The following CELSR2 variants were observed in gnomAD, a reference collection of about 807,000 sequenced individuals.
CELSR2 encodes the protein cadherin EGF LAG seven-pass G-type receptor 2, also known as EGF-like protein 2.
In CELSR2, 81 loss-of-function variants were observed where a neutral mutation model predicts 251.6. The observed-to-expected ratio is 0.32, with a 90% confidence interval of 0.27 to 0.39. The LOEUF is 0.39. CELSR2 is among the 10% of genes least tolerant of loss of function. CELSR2 has a pLI of 1.00. For synonymous variants in CELSR2, 1,721 were observed against 1,670.5 expected, an observed-to-expected ratio of 1.03 and a Z score of -0.74; for missense variants, 3,365 against 3,947.7, an observed-to-expected ratio of 0.85 and a Z score of 3.96.
Position 109,252,702 on chromosome 1 carries a change from A to G in CELSR2, c.2623A>G (p.Thr875Ala). The G allele has an allele frequency of 6.2e-7, 1 of 1,614,058 alleles. No individual in the cohort carries two copies. The highest frequency in any genetic ancestry group is 8.5e-7 in the Non-Finnish European group (1 of 1,180,040). ...TGAGTCCACGTCAGGCATCGTGCGA[A>G]CGCTACGGAGGCTGGATCGAGAGAA... Reference protein sequence around the residue: ...IVESTSGIVRTLRRLDRENVA... With the variant: ...IVESTSGIVRALRRLDRENVA... Residue 875 changes from threonine (T) to alanine (A), a missense_variant, in exon 1 of 34, where the codon ACG (threonine) becomes GCG (alanine). Physicochemically the swap from Thr to Ala is moderately conservative, Grantham distance 58 (BLOSUM62 0). Coordinates refer to ENST00000271332, the MANE Select transcript of CELSR2 (RefSeq NM_001408.3). The surrounding 1 kb of genome is among the most constrained non-coding windows in gnomAD (Gnocchi z 4.8).
chr1:109,269,176 G>A lies in CELSR2; in HGVS notation c.6698G>A (p.Arg2233Gln), dbSNP rs376451201. ...CAGGAGCCAGAGGAGCTGGCACGGC[G>A]ACAGCGACGGCACCCGGAGCTGAGC... ...EAQEPEELAR[R>Q]QRRHPELSQG... The change falls in exon 20 of 34, where the codon CGA (arginine) becomes CAA (glutamine). Residue 2233 changes from arginine to glutamine, a missense_variant. By Grantham distance (43) the Arg-to-Gln change is conservative. Coordinates refer to ENST00000271332, the MANE Select transcript of CELSR2 (RefSeq NM_001408.3). This position sits in a 1 kb window ranked among gnomAD's most constrained non-coding sequence, Gnocchi z 6.4. 12 of 1,612,198 alleles carry A rather than the reference G, an allele frequency of 7.4e-6. No individual in the cohort carries two copies. In the South Asian group the frequency reaches 7.7e-5, roughly 10 times the overall value.
At chr1:109,272,576 GGA>G in intron 29 of CELSR2, 62 bp from the exon 30 acceptor site, 3 of 1,522,950 alleles carry the variant, frequency 2.0e-6, no homozygotes, top group Non-Finnish European at 2.7e-6. Flanking sequence ...CCAGGGGAGA[GGA>G]GAGACTGGGA....
At position 109,271,243 on chromosome 1, in the gene CELSR2, G is replaced by A. The variant is rs200267022; in HGVS notation, c.7623G>A (p.Ala2541=). The change falls in exon 26 of 34, where the codon GCG becomes GCA. Residue 2541 remains alanine, a synonymous_variant. Transcript: ENST00000271332. ...TGAGTGTCTTCCTGTACATCCTGGC[G>A]GCCCGGGCCTCCTGTGCTGCCCAGC... The part of the protein sequence containing the change: ...VSMSVFLYIL[A]ARASCAAQRQ... 1.5e-5 allele frequency: 24 copies of A among 1,614,036 alleles called. No individual in the cohort carries two copies. Among genetic ancestry groups the A allele is most frequent in the South Asian group, 5.5e-5 (5 of 91,082 alleles).
In CELSR2 at chr1:109,263,328, A is replaced by T. The variant is rs183230549; in HGVS notation, c.4834+61A>T. ...TGCCATCAACAGTCTGGGAACTGGC[A>T]GGGTTGGGGCAGGCACTGGGCAGGG... On this transcript the variant is annotated intron_variant, in intron 8 of 33. Coordinates refer to ENST00000271332, the MANE Select transcript of CELSR2 (RefSeq NM_001408.3). 8,364 of 1,531,124 alleles carry T rather than the reference A, an allele frequency of 5.5e-3. 51 individuals are homozygous for T. The highest frequency in any genetic ancestry group is 5.7e-3 in the Non-Finnish European group (6,447 of 1,134,670). 94.8% of individuals were successfully genotyped at this position (1,531,124 alleles called of 1,614,324 possible).
rs1188218700 is a variant in CELSR2 at position 109,269,302 on chromosome 1, G to A, written c.6812+12G>A. Reference sequence around the variant, plus strand: ...AAGCGCAGCTTGAGGTCAGCAGCTAGGGGACAGGTGTGGGTAGGGGTATGG... The same window carrying A: ...AAGCGCAGCTTGAGGTCAGCAGCTAAGGGACAGGTGTGGGTAGGGGTATGG... On this transcript the variant is annotated intron_variant, in intron 20 of 33. Coordinates refer to ENST00000271332, the MANE Select transcript of CELSR2 (RefSeq NM_001408.3). The surrounding 1 kb of genome is among the most constrained non-coding windows in gnomAD (Gnocchi z 6.4). 5.6e-6 allele frequency: 9 copies of A among 1,612,860 alleles called. No homozygotes were observed. The East Asian group carries it at 1.8e-4, about 32-fold the overall frequency.
intron 32 of CELSR2, 23 bp downstream of exon 32, chr1:109,273,359 C>T: frequency 6.2e-7 from 1 of 1,603,152 alleles, no homozygotes; most frequent in Middle Eastern, 1.7e-4. Context: ...CCCCCAGCTG[C>T]CGAGCTCCCC....
At chr1:109,264,810 G>T (rs1656142970) in intron 11 of CELSR2, 58 bp from the exon 12 acceptor site, 1 of 1,612,310 alleles carries the variant, frequency 6.2e-7, no homozygotes, top group Non-Finnish European at 8.5e-7. Flanking sequence ...AGGGTTTGAT[G>T]GAAGATGGTG....
In CELSR2 at chr1:109,269,228, C is replaced by T; in HGVS notation, c.6750C>T (p.Ile2250=). 1 of 1,612,934 alleles carries T rather than the reference C, an allele frequency of 6.2e-7. No homozygotes were observed. Among genetic ancestry groups the T allele is most frequent in the Non-Finnish European group, 8.5e-7 (1 of 1,179,910 alleles). Residue 2250 remains isoleucine (I), a synonymous_variant, in exon 20 of 34, where the codon ATC becomes ATT. Coordinates refer to ENST00000271332, the MANE Select transcript of CELSR2 (RefSeq NM_001408.3). This position sits in a 1 kb window ranked among gnomAD's most constrained non-coding sequence, Gnocchi z 6.4. The part of the protein sequence containing the change: ...LSQGEAVASV[I]IYRTLAGLLP... ...AGGGTGAGGCTGTGGCCAGCGTCAT[C>T]ATCTACCGCACCCTGGCCGGGCTAC...
intron 5 of CELSR2, 113 bp from the exon 6 acceptor site, chr1:109,262,174 T>A: frequency 7.1e-7 from 1 of 1,411,228 alleles, no homozygotes; most frequent in Non-Finnish European, 9.7e-7. Flanking sequence ...TATGCATGTG[T>A]GTACGTGTGT....
chr1:109,271,402 T>C lies in CELSR2; in HGVS notation c.7693T>C (p.Ser2565Pro), dbSNP rs747238181. The C allele has an allele frequency of 2.4e-5, 38 of 1,613,746 alleles. 1 individual carries two copies. In the South Asian group the frequency reaches 2.5e-4, roughly 11 times the overall value. The change falls in exon 27 of 34, where the codon TCC becomes CCC. Residue 2565 changes from serine (S) to proline (P), a missense_variant. Physicochemically the swap from Ser to Pro is moderately conservative, Grantham distance 74 (BLOSUM62 -1). Around this residue, in one of 5 missense-constraint regions of CELSR2, gnomAD observed 2,093 missense variants for 2,382.8 expected, o/e 0.88. Coordinates refer to ENST00000271332, the MANE Select transcript of CELSR2 (RefSeq NM_001408.3). ...TATCCCCAGCTCGGGCCTGCAGCCC[T>C]CCTTCGCCGTCCTCCTGCTGCTGAG... ...KKGPVSGLQP[S>P]FAVLLLLSAT...
intron 17 of CELSR2, 40 bp downstream of exon 17, chr1:109,268,100 G>T (rs371035475): frequency 3.4e-5 from 53 of 1,562,380 alleles, no homozygotes; most frequent in Non-Finnish European, 4.5e-5. Context: ...GTTAGATAGG[G>T]GTCATGGTGA....
intron 1 of CELSR2, among the ~76,000 whole-genome samples, chr1:109,256,672 C>T (rs1011008801): frequency 1.3e-5 from 2 of 151,910 alleles, no homozygotes; most frequent in South Asian, 4.2e-4. Flanking sequence ...GACAGAGTCT[C>T]ACTCTGTCAC....
chr1:109,268,018 G>A lies in CELSR2; in HGVS notation c.6276G>A (p.Arg2092=). 1 of 1,607,936 alleles carries A rather than the reference G, an allele frequency of 6.2e-7. No homozygotes were observed. The highest frequency in any genetic ancestry group is 1.7e-5 in the Admixed American group (1 of 59,990). Reference sequence around the variant, plus strand: ...TGCTGGCCCACGAGAGCACCCAGCGGGGCTTTGGGCTGTCTGCCACACAGG... The same window carrying A: ...TGCTGGCCCACGAGAGCACCCAGCGAGGCTTTGGGCTGTCTGCCACACAGG... ...TRLLAHESTQ[R]GFGLSATQDV... is the part of the protein sequence containing the mutation. The change falls in exon 17 of 34, where the codon CGG becomes CGA. Residue 2092 remains arginine (R), a synonymous_variant. Transcript: ENST00000271332.
At chr1:109,257,192 CACAA>C (rs1269938182) in intron 1 of CELSR2, among the ~76,000 whole-genome samples, 1 of 152,034 alleles carries the variant, frequency 6.6e-6, no homozygotes, top group African/African-American at 2.4e-5. Flanking sequence ...CATCTCTACA[CACAA>C]ACAAAAATTA....
rs1570781452 is a variant in CELSR2 at position 109,259,046 on chromosome 1, G to A, written c.3925G>A (p.Gly1309Ser). ...CGGGCGCTGCCGCAGCCGCGAGGGC[G>A]GCTACACCTGCCTCTGTCGTGATGG... ...PHGRCRSREG[G>S]YTCLCRDGYT... Residue 1309 changes from glycine (G) to serine (S), a missense_variant, in exon 2 of 34, where the codon GGC becomes AGC. Gly to Ser is a moderately conservative substitution (Grantham distance 56, BLOSUM62 0). This residue lies in a region of CELSR2 where 2,093 missense variants were observed against 2,382.8 expected (regional missense o/e 0.88). Transcript: ENST00000271332. 20 of 1,593,936 alleles carry A rather than the reference G, an allele frequency of 1.3e-5. No homozygotes were observed. Among genetic ancestry groups the A allele is most frequent in the East Asian group, 2.2e-5 (1 of 44,560 alleles).
chr1:109,262,884 G>A lies in CELSR2; in HGVS notation c.4623G>A (p.Gln1541=), dbSNP rs756763582. 3 of 1,613,854 alleles carry A rather than the reference G, an allele frequency of 1.9e-6. No homozygotes were observed. The East Asian group carries it at 6.7e-5, about 36-fold the overall frequency. ...AGAGCTTCCCAGTCCGAATGCGGCA[G>A]TTCGTGGGCTGCATGCGGAACCTGC... The part of the protein sequence containing the change: ...LPESFPVRMR[Q]FVGCMRNLQV... The change falls in exon 7 of 34, where the codon CAG becomes CAA. Residue 1541 remains glutamine, a synonymous_variant. Transcript: ENST00000271332.
chr1:109,271,712 C>G lies in CELSR2; in HGVS notation c.7916C>G (p.Thr2639Ser). ...SPDPALTTKS[T>S]LTSSYNCPSP... ...GACCCTGCTCTGACCACCAAGTCCA[C>G]CCTGACCTCGGTGAGGGAGCCAGGG... is the stretch of plus-strand genomic sequence containing the variant. The change falls in exon 28 of 34, where the codon ACC becomes AGC. Residue 2639 changes from threonine to serine, a missense_variant. By Grantham distance (58) the Thr-to-Ser change is moderately conservative (BLOSUM62 1). Coordinates refer to ENST00000271332, the MANE Select transcript of CELSR2 (RefSeq NM_001408.3). 6.2e-7 allele frequency: 1 copy of G among 1,613,866 alleles called. No individual in the cohort carries two copies. Among genetic ancestry groups the G allele is most frequent in the Non-Finnish European group, 8.5e-7 (1 of 1,179,982 alleles).
At position 109,250,232 on chromosome 1, in the gene CELSR2, C is replaced by T. The variant is rs2101227677; in HGVS notation, c.153C>T (p.Cys51=). 5 of 1,604,270 alleles carry T rather than the reference C, an allele frequency of 3.1e-6. No homozygotes were observed. Among genetic ancestry groups the T allele is most frequent in the Non-Finnish European group, 2.6e-6 (3 of 1,175,740 alleles). The change falls in exon 1 of 34, where the codon TGC becomes TGT. Residue 51 remains cysteine (C), a synonymous_variant. Coordinates refer to ENST00000271332, the MANE Select transcript of CELSR2 (RefSeq NM_001408.3). The surrounding 1 kb of genome is among the most constrained non-coding windows in gnomAD (Gnocchi z 4.4). ...GGGGACGAGGCTCTTCGGGGGCCTG[C>T]GCCCCCATGGGCTGGCTCTGTCCAT... The part of the protein sequence containing the change: ...GSRGRGSSGA[C]APMGWLCPSS...
At chr1:109,263,057 C>T (rs1477233333) in intron 7 of CELSR2, 85 bp from the exon 8 acceptor site, 16 of 1,581,350 alleles carry the variant, frequency 1.0e-5, no homozygotes, top group Non-Finnish European at 1.4e-5. Flanking sequence ...AATGGAGGGT[C>T]TCAGAGGCCT....
Sources: gnomAD v4.1 joint callset for allele counts (sites outside exome capture counted in the v4.1 genomes callset) on GRCh38, gnomAD v4.1.1 for gene constraint, gnomAD v4.1.1 regional missense constraint, Gnocchi (gnomAD v3.1) non-coding constraint, MANE v1.5 for transcripts, NCBI Gene and HGNC (gene_info 2026-07-23, HGNC 2026-07-21) for gene names.